Variants in TYR observed in about 807,000 individuals in gnomAD.
TYR encodes the protein LB24-AB.
Under a neutral mutation model 51.5 loss-of-function variants are expected in TYR, and 58 were observed. The observed-to-expected ratio is 1.13, with a 90% CI of 0.91 to 1.40. The LOEUF is 1.40. Among genes scored for constraint, TYR ranks in the 40% most tolerant of loss-of-function variants. TYR has a pLI of 0.00. For synonymous variants in TYR, 263 were observed against 235.2 expected, an observed-to-expected ratio of 1.12 and a Z score of -1.08; for missense variants, 732 against 647.4, an observed-to-expected ratio of 1.13 and a Z score of -1.42.
At chr11:89,223,596 G>A (rs1473742325) in intron 2 of TYR, among the ~76,000 whole-genome samples, 2 of 151,992 alleles carry the variant, frequency 1.3e-5, no homozygotes, top group East Asian at 3.9e-4. Flanking sequence ...ATCTCTGTAG[G>A]ATATATAAGT....
intron 1 of TYR, among the ~76,000 whole-genome samples, chr11:89,179,073 A>G (rs977779138): frequency 6.6e-6 from 1 of 152,234 alleles, no homozygotes; most frequent in African/African-American, 2.4e-5. Context: ...GCAATAGTGC[A>G]TTATGTATTT....
rs185758426 is a variant in TYR at position 89,187,453 on chromosome 11, G to A, written c.820-3749G>A. ...CTATCTTAACATGGGGACTTGCAGG[G>A]ATAATTGGATTTTATAATATGGAGT... On this transcript the variant is annotated intron_variant, in intron 1 of 4. Coordinates refer to ENST00000263321, the MANE Select transcript of TYR (RefSeq NM_000372.5). 3.3e-3 allele frequency among the ~76,000 whole-genome samples: 499 copies of A among 152,254 alleles called. 1 individual carries two copies. The highest frequency in any genetic ancestry group is 6.6e-3 in the African/African-American group (273 of 41,562).
intron 1 of TYR, among the ~76,000 whole-genome samples, chr11:89,179,720 A>G (rs1943275728): frequency 6.6e-6 from 1 of 152,124 alleles, no homozygotes; most frequent in Admixed American, 6.6e-5. Context: ...GTCCTTGAAA[A>G]CTTTAGATAA....
At chr11:89,282,980 A>G (rs1437691872) in intron 3 of TYR, among the ~76,000 whole-genome samples, 1 of 151,768 alleles carries the variant, frequency 6.6e-6, no homozygotes, top group African/African-American at 2.4e-5. Context: ...TCCTTACATT[A>G]CCTTCATGAC....
chr11:89,287,252 T>G (rs1944799407), intron 4 of TYR, among the ~76,000 whole-genome samples: 1 of 151,892 alleles, frequency 6.6e-6, no homozygotes, highest in Admixed American at 6.6e-5. Flanking sequence ...ACAAGTGATA[T>G]TTATCATGAA....
intron 3 of TYR, among the ~76,000 whole-genome samples, chr11:89,268,345 A>G (rs1238001564): frequency 6.6e-6 from 1 of 151,964 alleles, no homozygotes; most frequent in African/African-American, 2.4e-5. Flanking sequence ...CACTGGATGC[A>G]TGACTGTCAT....
intron 3 of TYR, among the ~76,000 whole-genome samples, chr11:89,245,834 A>C (rs866470827): frequency 4.6e-5 from 7 of 151,846 alleles, no homozygotes; most frequent in Non-Finnish European, 1.0e-4. Context: ...AGGCAGGAGA[A>C]TGGAGTGAAC....
intron 3 of TYR, among the ~76,000 whole-genome samples, chr11:89,238,194 C>G (rs887661068): frequency 6.6e-6 from 1 of 152,066 alleles, no homozygotes; most frequent in Non-Finnish European, 1.5e-5. Context: ...CCTTAAATTC[C>G]TTTCATCAAT....
chr11:89,282,627 C>G (rs1565422910), intron 3 of TYR, among the ~76,000 whole-genome samples: 1 of 151,708 alleles, frequency 6.6e-6, no homozygotes, highest in African/African-American at 2.4e-5. Context: ...AACAAAAGGA[C>G]TAGTTTATAA....
chr11:89,268,124 C>A (rs537975252), intron 3 of TYR, among the ~76,000 whole-genome samples: 4 of 151,992 alleles, frequency 2.6e-5, no homozygotes, highest in African/African-American at 9.6e-5. Context: ...CTTTTGTCCT[C>A]CAGTTTTCTC....
At chr11:89,201,529 G>T (rs1029659452) in intron 2 of TYR, among the ~76,000 whole-genome samples, 3 of 152,174 alleles carry the variant, frequency 2.0e-5, no homozygotes, top group Non-Finnish European at 4.4e-5. Context: ...AAATTGTTTT[G>T]CTTCATTATG....
At chr11:89,180,620 C>A (rs529866606) in intron 1 of TYR, among the ~76,000 whole-genome samples, 27 of 151,106 alleles carry the variant, frequency 1.8e-4, no homozygotes, top group Admixed American at 1.5e-3. Context: ...CAACTTCAAC[C>A]TTGTTCTATG....
chr11:89,177,876 C>T lies in TYR; in HGVS notation c.-78C>T. 1 of 1,395,472 alleles carries T rather than the reference C, an allele frequency of 7.2e-7. No homozygotes were observed. 86.4% of individuals were successfully genotyped at this position (1,395,472 alleles called of 1,614,324 possible). On this transcript the variant is annotated 5_prime_UTR_variant, in exon 1 of 5. Transcript: ENST00000263321. ...TCTCAGCCAAGACATGTGATAATCA[C>T]TGTAGTAGTAGCTGGAAAGAGAAAT...
chr11:89,272,844 C>T (rs1409344790), intron 3 of TYR, among the ~76,000 whole-genome samples: 1 of 151,892 alleles, frequency 6.6e-6, no homozygotes, highest in Non-Finnish European at 1.5e-5. Flanking sequence ...AAGATGGGCT[C>T]TTTTCTTAAA....
chr11:89,227,884 G>A lies in TYR; in HGVS notation c.1098G>A (p.Leu366=). 6.2e-7 allele frequency: 1 copy of A among 1,613,398 alleles called. No individual in the cohort carries two copies. Among genetic ancestry groups the A allele is most frequent in the African/African-American group, 1.3e-5 (1 of 74,950 alleles). The change falls in exon 3 of 5, where the codon TTG becomes TTA. Residue 366 remains leucine (L), a synonymous_variant. Transcript: ENST00000263321. ...DASQSSMHNA[L]HIYMNGTMSQ... is the part of the protein sequence containing the mutation. ...CTCAAAGCAGCATGCACAATGCCTT[G>A]CACATCTATATGAATGGAACAATGT...
At chr11:89,199,244 C>T (rs525883) in intron 2 of TYR, among the ~76,000 whole-genome samples, 151,830 of 152,330 alleles carry the variant, frequency 1, 75,667 homozygotes, top group Middle Eastern at 1. Flanking sequence ...TATAGCAGCA[C>T]GATTTATAAT....
Position 89,199,997 on chromosome 11 carries a change from T to C in TYR, c.1036+8579T>C, listed in dbSNP as rs570888760. Among the ~76,000 whole-genome samples the C allele has an allele frequency of 4.6e-5, 7 of 152,308 alleles. No homozygotes were observed. The East Asian group carries it at 1.4e-3, about 29-fold the overall frequency. ...AGACATTTCACTTCCTTGGGATAAG[T>C]CTTGGGAAAAATATCACTACACATT... On this transcript the variant is annotated intron_variant, in intron 2 of 4. Coordinates refer to ENST00000263321, the MANE Select transcript of TYR (RefSeq NM_000372.5).
At position 89,295,173 on chromosome 11, in the gene TYR, C is replaced by A. The variant is rs540671125; in HGVS notation, c.1397C>A (p.Ser466Tyr). The change falls in exon 5 of 5, where the codon TCC becomes TAC. Residue 466 changes from serine to tyrosine, a missense_variant. Ser to Tyr is a moderately radical substitution (Grantham distance 144, BLOSUM62 -2). Transcript: ENST00000263321. ...GACTCTTTTCAAGACTACATTAAGT[C>A]CTATTTGGAACAAGCGAGTCGGATC... ...DPDSFQDYIK[S>Y]YLEQASRIWS... The A allele has an allele frequency of 7.4e-6, 12 of 1,613,936 alleles. No individual in the cohort carries two copies. The East Asian group carries it at 2.2e-4, about 30-fold the overall frequency.
At chr11:89,261,682 G>A (rs868327806) in intron 3 of TYR, among the ~76,000 whole-genome samples, 19 of 152,048 alleles carry the variant, frequency 1.2e-4, no homozygotes, top group African/African-American at 3.6e-4. Flanking sequence ...AAAAACTTGC[G>A]CAATACTATA....
Sources: gnomAD v4.1 joint callset for allele counts (sites outside exome capture counted in the v4.1 genomes callset) on GRCh38, gnomAD v4.1.1 for gene constraint, MANE v1.5 for transcripts, NCBI Gene and HGNC (gene_info 2026-07-23, HGNC 2026-07-21) for gene names.